OSR2: variants seen among roughly 807,000 people sequenced by gnomAD.
OSR2 encodes the protein odd-skipped related transciption factor 2.
A neutral mutation model predicts 22.3 loss-of-function variants in OSR2; 8 were observed. The observed-to-expected ratio is 0.36, with a 90% CI of 0.21 to 0.65. The LOEUF (loss-of-function observed/expected upper bound fraction) is 0.65, where lower values mean the gene tolerates loss of function less well. Ranked by LOEUF, OSR2 falls within the 30% of genes least tolerant of loss-of-function variation. The pLI is 0.66. For synonymous variants in OSR2, 179 were observed against 173.8 expected (o/e 1.03, Z -0.23); for missense variants, 311 against 413.4 (o/e 0.75, Z 2.15).
In OSR2 at chr8:98,951,733, G is replaced by A. The variant is rs1408083398; in HGVS notation, c.*32G>A. ...CCAGGATCTGTCCCGTGCCGCCGCT[G>A]CTCCCCTCCCCAGACACCTCTCCAC... On this transcript the variant is annotated 3_prime_UTR_variant, in exon 4 of 4. Transcript: ENST00000297565. 1 of 1,584,008 alleles carries A rather than the reference G, an allele frequency of 6.3e-7. No homozygotes were observed. Among genetic ancestry groups the A allele is most frequent in the East Asian group, 2.3e-5 (1 of 43,374 alleles).
chr8:98,947,228 G>T (rs1320725653), intron 1 of OSR2, among the ~76,000 whole-genome samples: 2 of 151,772 alleles, frequency 1.3e-5, no homozygotes, highest in African/African-American at 4.8e-5. Flanking sequence ...GAAGCGATTC[G>T]TTAATAAATC....
At position 98,949,694 on chromosome 8, in the gene OSR2, T is replaced by C; in HGVS notation, c.656+86T>C. 6.8e-7 allele frequency: 1 copy of C among 1,460,450 alleles called. No individual in the cohort carries two copies. The highest frequency in any genetic ancestry group is 1.3e-5 in the South Asian group (1 of 74,638). The allele number at this position is 1,460,450 out of a possible 1,614,324, so 90.5% of individuals were successfully genotyped here. Reference sequence around the variant, plus strand: ...GTCCTGATAGACATTCCCAGTGTCATTATAATCCCCTGTGATCTAAAATAC... The same window carrying C: ...GTCCTGATAGACATTCCCAGTGTCACTATAATCCCCTGTGATCTAAAATAC... On this transcript the variant is annotated intron_variant, in intron 2 of 3. Coordinates refer to ENST00000297565, the MANE Select transcript of OSR2 (RefSeq NM_001142462.3). This position sits in a 1 kb window ranked among gnomAD's most constrained non-coding sequence, Gnocchi z 5.9.
Position 98,948,864 on chromosome 8 carries a change from A to T in OSR2, c.-89A>T, listed in dbSNP as rs752487718. On this transcript the variant is annotated 5_prime_UTR_variant, in exon 2 of 4. Coordinates refer to ENST00000297565, the MANE Select transcript of OSR2 (RefSeq NM_001142462.3). The surrounding 1 kb of genome is among the most constrained non-coding windows in gnomAD (Gnocchi z 6.0). ...GGCTTTCTCTACGTGCTGTTGTCTC[A>T]CTGGGTTTTTGTCGGAGCCCCACGC... is the stretch of plus-strand genomic sequence containing the variant. The T allele has an allele frequency of 2.5e-6, 4 of 1,609,732 alleles. No individual in the cohort carries two copies. Among genetic ancestry groups the T allele is most frequent in the Non-Finnish European group, 3.4e-6 (4 of 1,178,744 alleles).
intron 1 of OSR2, among the ~76,000 whole-genome samples, chr8:98,946,789 G>T (rs1326684099): frequency 6.6e-6 from 1 of 152,042 alleles, no homozygotes; most frequent in Admixed American, 6.6e-5. Flanking sequence ...CATACACCCT[G>T]TGGTGGGAGT....
In OSR2 at chr8:98,948,465, T is replaced by C; in HGVS notation, c.-114-374T>C. 1 of 767,436 alleles carries C rather than the reference T, an allele frequency of 1.3e-6. No homozygotes were observed. The highest frequency in any genetic ancestry group is 1.7e-6 in the Non-Finnish European group (1 of 591,062). 47.5% of individuals were successfully genotyped at this position (767,436 alleles called of 1,614,324 possible). ...GCATTGGCATTGCGGTTGACTGAGC[T>C]TCGCCTAACAGGCTTGGGGAGGGTG... On this transcript the variant is annotated intron_variant, in intron 1 of 3. Coordinates refer to ENST00000297565, the MANE Select transcript of OSR2 (RefSeq NM_001142462.3). The surrounding 1 kb of genome is among the most constrained non-coding windows in gnomAD (Gnocchi z 6.0).
rs1256274762 is a variant in OSR2 at position 98,948,326 on chromosome 8, G to T, written c.-114-513G>T. The T allele has an allele frequency of 4.6e-6, 7 of 1,523,692 alleles. No homozygotes were observed. Among genetic ancestry groups the T allele is most frequent in the Non-Finnish European group, 6.1e-6 (7 of 1,139,762 alleles). The allele number at this position is 1,523,692 out of a possible 1,614,324, so 94.4% of individuals were successfully genotyped here. On this transcript the variant is annotated intron_variant, in intron 1 of 3. Coordinates refer to ENST00000297565, the MANE Select transcript of OSR2 (RefSeq NM_001142462.3). The surrounding 1 kb of genome is among the most constrained non-coding windows in gnomAD (Gnocchi z 6.0). ...CCATCCGGGTAAGCGCGGGAAAGGC[G>T]GCCACAGGGCGCGGCGGCAGCGCAG... is the stretch of plus-strand genomic sequence containing the variant.
In OSR2 at chr8:98,944,527, C is replaced by T. The variant is rs1006729461; in HGVS notation, c.-411C>T. On this transcript the variant is annotated 5_prime_UTR_variant, in exon 1 of 4. Coordinates refer to ENST00000297565, the MANE Select transcript of OSR2 (RefSeq NM_001142462.3). ...GCCCTGCAAGGCTGTGGGCTCCGACCTCACCGGGAGTCGACAGCGAGAGGT... is the reference window on the plus strand; with the variant it reads ...GCCCTGCAAGGCTGTGGGCTCCGACTTCACCGGGAGTCGACAGCGAGAGGT... 3.3e-5 allele frequency: 5 copies of T among 152,330 alleles called. No individual in the cohort carries two copies. The highest frequency in any genetic ancestry group is 3.3e-4 in the Admixed American group (5 of 15,288). 9.4% of individuals were successfully genotyped at this position (152,330 alleles called of 1,614,324 possible). A position where few individuals can be genotyped will look rare whatever the true frequency, so the allele number is the denominator to read the frequency against.
chr8:98,950,436 C>T (rs1306364458), intron 2 of OSR2, among the ~76,000 whole-genome samples: 1 of 151,760 alleles, frequency 6.6e-6, no homozygotes, highest in African/African-American at 2.4e-5. Context: ...CCAGAGAGGG[C>T]GATCAAGTGT....
In OSR2 at chr8:98,951,710, A is replaced by G; in HGVS notation, c.*9A>G. 2 of 1,608,426 alleles carry G rather than the reference A, an allele frequency of 1.2e-6. No homozygotes were observed. The highest frequency in any genetic ancestry group is 1.7e-6 in the Non-Finnish European group (2 of 1,177,690). On this transcript the variant is annotated 3_prime_UTR_variant, in exon 4 of 4. Transcript: ENST00000297565. ...CGCGGCAGGACTTCTAGAGAAGCCC[A>G]GGATCTGTCCCGTGCCGCCGCTGCT...
rs1564123904 is a variant in OSR2 at position 98,948,763 on chromosome 8, C to T, written c.-114-76C>T. The T allele has an allele frequency of 7.0e-7, 1 of 1,435,924 alleles. No individual in the cohort carries two copies. The highest frequency in any genetic ancestry group is 2.5e-5 in the East Asian group (1 of 40,062). 88.9% of individuals were successfully genotyped at this position (1,435,924 alleles called of 1,614,324 possible). The stretch of plus-strand genomic sequence containing the variant: ...AGGGAGACTTAGGTGTGGTAACCTG[C>T]GCAGGTGCCAAAGGGCAGAAGGAGC... On this transcript the variant is annotated intron_variant, in intron 1 of 3. Coordinates refer to ENST00000297565, the MANE Select transcript of OSR2 (RefSeq NM_001142462.3). This position sits in a 1 kb window ranked among gnomAD's most constrained non-coding sequence, Gnocchi z 6.0.
At position 98,948,407 on chromosome 8, in the gene OSR2, G is replaced by T. The variant is rs1255241170; in HGVS notation, c.-114-432G>T. The T allele has an allele frequency of 5.6e-6, 8 of 1,428,746 alleles. No individual in the cohort carries two copies. Among genetic ancestry groups the T allele is most frequent in the Non-Finnish European group, 6.4e-6 (7 of 1,093,806 alleles). The allele number at this position is 1,428,746 out of a possible 1,614,324, so 88.5% of individuals were successfully genotyped here. ...CCACCGTTCCCAGGAGCTCCGAGGC[G>T]CAGCGGCGACAGAGGTTCGCCCCGG... On this transcript the variant is annotated intron_variant, in intron 1 of 3. Transcript: ENST00000297565. This position sits in a 1 kb window ranked among gnomAD's most constrained non-coding sequence, Gnocchi z 6.0.
intron 1 of OSR2, chr8:98,945,992 C>G (rs2132080366): frequency 6.6e-6 from 1 of 152,290 alleles, no homozygotes; most frequent in South Asian, 2.1e-4. Flanking sequence ...AACTCCTTAT[C>G]AAGTTACTTC....
chr8:98,949,209 C>T lies in OSR2; in HGVS notation c.257C>T (p.Pro86Leu), dbSNP rs201438766. 7 of 1,591,584 alleles carry T rather than the reference C, an allele frequency of 4.4e-6. No homozygotes were observed. Among genetic ancestry groups the T allele is most frequent in the Middle Eastern group, 1.7e-4 (1 of 5,982 alleles). The change falls in exon 2 of 4, where the codon CCG (proline) becomes CTG (leucine). Residue 86 changes from proline (P) to leucine (L), a missense_variant. Pro to Leu is a moderately conservative substitution (Grantham distance 98). Around this residue, in one of 5 missense-constraint regions of OSR2, gnomAD observed 146 missense variants for 160.5 expected, o/e 0.91. Coordinates refer to ENST00000297565, the MANE Select transcript of OSR2 (RefSeq NM_001142462.3). The surrounding 1 kb of genome is among the most constrained non-coding windows in gnomAD (Gnocchi z 5.9). ...QGLVDARFPF[P>L]ALPFTTHLFH... is the part of the protein sequence containing the mutation. ...CTCGTGGACGCGCGCTTCCCCTTCC[C>T]GGCCCTGCCTTTTACCACCCACCTA...
chr8:98,949,186 C>G lies in OSR2; in HGVS notation c.234C>G (p.Leu78=). 6.3e-7 allele frequency: 1 copy of G among 1,594,550 alleles called. No individual in the cohort carries two copies. Among genetic ancestry groups the G allele is most frequent in the African/African-American group, 1.3e-5 (1 of 74,886 alleles). Residue 78 remains leucine, a synonymous_variant, in exon 2 of 4, where the codon CTC becomes CTG. Coordinates refer to ENST00000297565, the MANE Select transcript of OSR2 (RefSeq NM_001142462.3). This position sits in a 1 kb window ranked among gnomAD's most constrained non-coding sequence, Gnocchi z 5.9. ...CGGAGATGGCGGCGGCGCAGGGCCT[C>G]GTGGACGCGCGCTTCCCCTTCCCGG... ...TITEMAAAQG[L]VDARFPFPAL...
Position 98,944,617 on chromosome 8 carries a change from C to T in OSR2, c.-321C>T, listed in dbSNP as rs1840548646. The T allele has an allele frequency of 6.6e-6, 1 of 152,276 alleles. No homozygotes were observed. The highest frequency in any genetic ancestry group is 1.5e-5 in the Non-Finnish European group (1 of 68,052). 9.4% of individuals were successfully genotyped at this position (152,276 alleles called of 1,614,324 possible). ...GCCCCAAGCACCCCGGGTCTTTACA[C>T]AGTCCGCGTCCACAGACTCTGACGA... On this transcript the variant is annotated 5_prime_UTR_variant, in exon 1 of 4. Transcript: ENST00000297565.
At position 98,951,737 on chromosome 8, in the gene OSR2, C is replaced by A; in HGVS notation, c.*36C>A. The A allele has an allele frequency of 6.3e-7, 1 of 1,578,426 alleles. No individual in the cohort carries two copies. The highest frequency in any genetic ancestry group is 2.3e-5 in the East Asian group (1 of 43,038). On this transcript the variant is annotated 3_prime_UTR_variant, in exon 4 of 4. Coordinates refer to ENST00000297565, the MANE Select transcript of OSR2 (RefSeq NM_001142462.3). ...GATCTGTCCCGTGCCGCCGCTGCTC[C>A]CCTCCCCAGACACCTCTCCACGTCT...
chr8:98,950,515 A>G (rs978027485), intron 2 of OSR2, 141 bp from the exon 3 acceptor site: 1 of 626,932 alleles, frequency 1.6e-6, no homozygotes, highest in African/African-American at 1.8e-5. Flanking sequence ...AGAGAATTAC[A>G]CAGGAAAAAA....
chr8:98,948,055 A>AG lies in OSR2; in HGVS notation c.-114-781dup. ...CCCCTGGGAGCCTGAACCATCTGGA[A>AG]GGGATCTTAGTCGGGGGTTGGGAGG... On this transcript the variant is annotated intron_variant, in intron 1 of 3. Coordinates refer to ENST00000297565, the MANE Select transcript of OSR2 (RefSeq NM_001142462.3). This position sits in a 1 kb window ranked among gnomAD's most constrained non-coding sequence, Gnocchi z 6.0. The AG allele has an allele frequency of 8.0e-6, 10 of 1,244,164 alleles. No individual in the cohort carries two copies. The highest frequency in any genetic ancestry group is 1.0e-5 in the Non-Finnish European group (10 of 967,462). 77.1% of individuals were successfully genotyped at this position (1,244,164 alleles called of 1,614,324 possible).
At position 98,948,536 on chromosome 8, in the gene OSR2, C is replaced by T; in HGVS notation, c.-114-303C>T. ...GGCTGGGTGCTGCCCGGCTGTCCGCCTTTCGTTTTCCTGGGACCGAGGAGT... is the reference window on the plus strand; with the variant it reads ...GGCTGGGTGCTGCCCGGCTGTCCGCTTTTCGTTTTCCTGGGACCGAGGAGT... On this transcript the variant is annotated intron_variant, in intron 1 of 3. Transcript: ENST00000297565. The surrounding 1 kb of genome is among the most constrained non-coding windows in gnomAD (Gnocchi z 6.0). 7.4e-7 allele frequency: 1 copy of T among 1,343,770 alleles called. No individual in the cohort carries two copies. Among genetic ancestry groups the T allele is most frequent in the South Asian group, 1.6e-5 (1 of 63,490 alleles). 83.2% of individuals were successfully genotyped at this position (1,343,770 alleles called of 1,614,324 possible).
Sources: gnomAD v4.1 joint callset for allele counts (sites outside exome capture counted in the v4.1 genomes callset) on GRCh38, gnomAD v4.1.1 for gene constraint, gnomAD v4.1.1 regional missense constraint, Gnocchi (gnomAD v3.1) non-coding constraint, MANE v1.5 for transcripts, NCBI Gene and HGNC (gene_info 2026-07-23, HGNC 2026-07-21) for gene names.